COL26A1: variants seen among roughly 807,000 people sequenced by gnomAD.
COL26A1 encodes the protein collagen alpha-1(XXVI) chain.
A neutral mutation model predicts 59.3 loss-of-function variants in COL26A1; 41 were observed. That is an observed-to-expected ratio of 0.69 (90% CI 0.54 to 0.90). The LOEUF is 0.90. Ranked by LOEUF, COL26A1 falls within the 40% of genes least tolerant of loss-of-function variation. COL26A1 has a pLI of 0.00. For missense variants in COL26A1, 612 were observed against 602.3 expected (o/e 1.02, Z -0.17); for synonymous variants, 266 against 256.0 (o/e 1.04, Z -0.37).
At chr7:101,534,800 C>T (rs1218572316) in intron 4 of COL26A1, among the ~76,000 whole-genome samples, 4 of 151,852 alleles carry the variant, frequency 2.6e-5, no homozygotes, top group South Asian at 2.1e-4. Context: ...TGTGGGACCA[C>T]CACCCGCCAG....
chr7:101,538,721 G>A (rs1042907546), intron 4 of COL26A1, among the ~76,000 whole-genome samples: 1 of 152,168 alleles, frequency 6.6e-6, no homozygotes, highest in Non-Finnish European at 1.5e-5. Flanking sequence ...AGAGCCCTGA[G>A]CAGCCGCTAA....
intron 3 of COL26A1, among the ~76,000 whole-genome samples, chr7:101,493,150 A>T (rs1243626087): frequency 6.6e-6 from 1 of 152,174 alleles, no homozygotes; most frequent in Non-Finnish European, 1.5e-5. Flanking sequence ...CAGAGCCAGG[A>T]TCTGTCTCAA....
chr7:101,533,309 T>C (rs1362126136), intron 4 of COL26A1, among the ~76,000 whole-genome samples, 166 bp downstream of exon 4: 1 of 152,020 alleles, frequency 6.6e-6, no homozygotes, highest in East Asian at 1.9e-4. Context: ...CAGGCCTTGG[T>C]GGCTCTGGGT....
At chr7:101,390,171 T>TTTTC (rs1444344842) in intron 1 of COL26A1, among the ~76,000 whole-genome samples, 1 of 132,156 alleles carries the variant, frequency 7.6e-6, no homozygotes, top group East Asian at 2.2e-4. Context: ...TTTTTTTTTT[T>TTTTC]TTTTGAGACA....
At chr7:101,435,557 C>T (rs990319167) in intron 2 of COL26A1, among the ~76,000 whole-genome samples, 7 of 152,200 alleles carry the variant, frequency 4.6e-5, no homozygotes, top group East Asian at 1.9e-4. Context: ...GAGTGGATCA[C>T]AGCCCCGGCT....
At chr7:101,452,901 G>A (rs1277838781) in intron 3 of COL26A1, among the ~76,000 whole-genome samples, 1 of 151,980 alleles carries the variant, frequency 6.6e-6, no homozygotes, top group Non-Finnish European at 1.5e-5. Context: ...AGTACCTGGG[G>A]TTACAGGCAT....
intron 12 of COL26A1, among the ~76,000 whole-genome samples, chr7:101,556,251 A>G (rs539283420): frequency 2.0e-5 from 3 of 152,062 alleles, no homozygotes; most frequent in Non-Finnish European, 2.9e-5. Flanking sequence ...CTTTGTCCCT[A>G]TGGTGACATA....
chr7:101,558,832 T>G lies in COL26A1; in HGVS notation c.*1302T>G, dbSNP rs1214304283. On this transcript the variant is annotated 3_prime_UTR_variant, in exon 13 of 13. Transcript: ENST00000313669. The stretch of plus-strand genomic sequence containing the variant: ...GGGCACTCTGTCTTCACAGCAGGAG[T>G]GACTGTCTCCAGTGCTCTTGGTACT... 1 of 152,102 alleles carries G rather than the reference T, an allele frequency of 6.6e-6. No homozygotes were observed. The highest frequency in any genetic ancestry group is 1.5e-5 in the Non-Finnish European group (1 of 68,062). The allele number at this position is 152,102 out of a possible 1,614,324, so 9.4% of individuals were successfully genotyped here.
At chr7:101,461,304 CCTT>C (rs780728896) in intron 3 of COL26A1, among the ~76,000 whole-genome samples, 18 of 91,070 alleles carry the variant, frequency 2.0e-4, no homozygotes, top group South Asian at 3.0e-4. Context: ...TCCTCCTCCT[CCTT>C]CTTTTTTTTT....
chr7:101,388,623 G>T (rs1791650188), intron 1 of COL26A1, among the ~76,000 whole-genome samples: 2 of 151,182 alleles, frequency 1.3e-5, no homozygotes, highest in Non-Finnish European at 3.0e-5. Flanking sequence ...GAGTGTAATG[G>T]CACGATCTCA....
chr7:101,529,631 A>G (rs1795323141), intron 3 of COL26A1, among the ~76,000 whole-genome samples: 1 of 152,162 alleles, frequency 6.6e-6, no homozygotes, highest in South Asian at 2.1e-4. Context: ...TTATGTCCAT[A>G]TATACCCCTT....
intron 3 of COL26A1, among the ~76,000 whole-genome samples, chr7:101,476,828 T>G (rs1449921404): frequency 6.7e-6 from 1 of 150,270 alleles, no homozygotes; most frequent in African/African-American, 2.5e-5. Flanking sequence ...ATTACAGGTG[T>G]GAGCCACCAT....
At chr7:101,547,861 G>A (rs998264535) in intron 8 of COL26A1, among the ~76,000 whole-genome samples, 9 of 151,638 alleles carry the variant, frequency 5.9e-5, no homozygotes, top group African/African-American at 1.2e-4. Flanking sequence ...TTCTCTGTGC[G>A]TCTCACAAAC....
chr7:101,489,758 CTT>C (rs1465168367), intron 3 of COL26A1, among the ~76,000 whole-genome samples: 2 of 3,870 alleles, frequency 5.2e-4, no homozygotes, highest in Non-Finnish European at 1.1e-3. Flanking sequence ...TCTTGTCTCT[CTT>C]TCTTTCTTTC....
intron 3 of COL26A1, among the ~76,000 whole-genome samples, chr7:101,495,282 A>G (rs972030792): frequency 2.6e-5 from 4 of 152,134 alleles, no homozygotes; most frequent in South Asian, 4.1e-4. Flanking sequence ...GAGCTTTCCA[A>G]AACATGTTGA....
intron 1 of COL26A1, among the ~76,000 whole-genome samples, chr7:101,386,212 C>T (rs924845711): frequency 2.7e-5 from 4 of 150,286 alleles, no homozygotes; most frequent in Admixed American, 6.6e-5. Flanking sequence ...TATCTCCTGC[C>T]GAGTGTCTGC....
intron 3 of COL26A1, among the ~76,000 whole-genome samples, chr7:101,472,363 G>A (rs1477873966): frequency 6.6e-6 from 1 of 152,132 alleles, no homozygotes; most frequent in Non-Finnish European, 1.5e-5. Flanking sequence ...AGGGCATCAG[G>A]ACATCTCTTT....
intron 3 of COL26A1, among the ~76,000 whole-genome samples, chr7:101,515,283 A>AT (rs1263051155): frequency 1.3e-5 from 2 of 148,190 alleles, no homozygotes; most frequent in African/African-American, 4.9e-5. Flanking sequence ...TACTATAAAT[A>AT]TTTATTTTTT....
intron 1 of COL26A1, among the ~76,000 whole-genome samples, chr7:101,408,718 G>A (rs1792182024): frequency 6.6e-6 from 1 of 152,218 alleles, no homozygotes; most frequent in Non-Finnish European, 1.5e-5. Context: ...GGGCTCTGGG[G>A]CTGCAGTGCA....
Sources: allele counts gnomAD v4.1 joint callset (sites outside exome capture counted in the v4.1 genomes callset), GRCh38; gene constraint gnomAD v4.1.1; transcripts MANE v1.5; gene names NCBI Gene and HGNC (gene_info 2026-07-23, HGNC 2026-07-21).